Variants in SORBS2 observed in about 807,000 individuals in gnomAD.
SORBS2 encodes the protein sorbin and SH3 domain-containing protein 2.
Under a neutral mutation model 97.7 loss-of-function variants are expected in SORBS2, and 46 were observed. The observed-to-expected ratio is 0.47, with a 90% CI of 0.37 to 0.60. The LOEUF is 0.60. SORBS2 is among the 20% of genes least tolerant of loss of function. SORBS2 has a pLI of 0.00. For synonymous variants in SORBS2, 476 were observed against 473.4 expected, an observed-to-expected ratio of 1.01 and a Z score of -0.07; for missense variants, 1,316 against 1,282.3, an observed-to-expected ratio of 1.03 and a Z score of -0.40.
chr4:185,730,925 T>C (rs73873349), intron 2 of SORBS2, among the ~76,000 whole-genome samples: 1 of 152,212 alleles, frequency 6.6e-6, no homozygotes, highest in South Asian at 2.1e-4. Flanking sequence ...TTGTTACTGA[T>C]GAAATAATTT....
At chr4:185,906,598 GA>G (rs1269350154) in intron 1 of SORBS2, among the ~76,000 whole-genome samples, 4 of 152,096 alleles carry the variant, frequency 2.6e-5, no homozygotes, top group Admixed American at 2.6e-4. Flanking sequence ...CATAGCTTAA[GA>G]AAATACCTAA....
chr4:185,660,606 C>T (rs1002908675), upstream of SORBS2, among the ~76,000 whole-genome samples: 9 of 152,282 alleles, frequency 5.9e-5, no homozygotes, highest in Non-Finnish European at 1.0e-4. Flanking sequence ...AAGCTGAGTT[C>T]CACCATGCAC....
At chr4:185,824,782 T>A (rs568753725) in intron 1 of SORBS2, among the ~76,000 whole-genome samples, 2 of 152,266 alleles carry the variant, frequency 1.3e-5, no homozygotes, top group East Asian at 3.9e-4. Flanking sequence ...AAGGGATAGG[T>A]GTGATATGTT....
At chr4:185,927,908 TTTTA>T (rs1299761108) in intron 1 of SORBS2, among the ~76,000 whole-genome samples, 16 of 152,180 alleles carry the variant, frequency 1.1e-4, no homozygotes, top group Non-Finnish European at 2.1e-4. Flanking sequence ...TTCTGATTTG[TTTTA>T]TTTGATATGT....
chr4:185,891,057 T>A (rs1016871847), intron 1 of SORBS2, among the ~76,000 whole-genome samples: 2 of 152,208 alleles, frequency 1.3e-5, no homozygotes, highest in African/African-American at 4.8e-5. Context: ...GCCTCTGAGA[T>A]TCCTTTCAGA....
chr4:185,617,320 A>G (rs1253231298), intron 9 of SORBS2, among the ~76,000 whole-genome samples: 2 of 152,216 alleles, frequency 1.3e-5, no homozygotes, highest in Admixed American at 1.3e-4. Context: ...TGAAAAAAAA[A>G]GATGTAAGCT....
chr4:185,725,048 C>T (rs1016883019), intron 2 of SORBS2, among the ~76,000 whole-genome samples: 6 of 152,152 alleles, frequency 3.9e-5, no homozygotes, highest in Admixed American at 2.6e-4. Context: ...ATACATAAGA[C>T]GGTGTTGCCA....
At chr4:185,883,059 C>T (rs1296964705) in intron 1 of SORBS2, among the ~76,000 whole-genome samples, 2 of 151,972 alleles carry the variant, frequency 1.3e-5, no homozygotes, top group East Asian at 3.9e-4. Flanking sequence ...ATAAACTGAA[C>T]TTTTCCAAAA....
chr4:185,926,509 G>T (rs1197040039), intron 1 of SORBS2, among the ~76,000 whole-genome samples: 1 of 151,206 alleles, frequency 6.6e-6, no homozygotes, highest in East Asian at 1.9e-4. Context: ...GTTGGAAAGC[G>T]TTTCGTTTTG....
chr4:185,826,998 C>T (rs1286908062), intron 1 of SORBS2, among the ~76,000 whole-genome samples: 2 of 150,428 alleles, frequency 1.3e-5, no homozygotes, highest in South Asian at 2.1e-4. Context: ...CACTGTACCC[C>T]ACCCCTGACT....
intron 4 of SORBS2, among the ~76,000 whole-genome samples, chr4:185,676,616 G>A (rs941347412): frequency 1.3e-5 from 2 of 152,016 alleles, no homozygotes; most frequent in Non-Finnish European, 2.9e-5. Flanking sequence ...TGTAAATAAA[G>A]TAAATCTAAG....
chr4:185,692,714 C>T (rs898842869), intron 2 of SORBS2, among the ~76,000 whole-genome samples: 10 of 152,006 alleles, frequency 6.6e-5, no homozygotes, highest in African/African-American at 2.4e-4. Context: ...CACTTAAGTC[C>T]TATGAAATAT....
At chr4:185,898,753 T>C (rs2099246183) in intron 1 of SORBS2, among the ~76,000 whole-genome samples, 1 of 152,150 alleles carries the variant, frequency 6.6e-6, no homozygotes, top group Non-Finnish European at 1.5e-5. Flanking sequence ...AATACCCAAA[T>C]CTTTAGAAAA....
chr4:185,587,977 AG>A (rs1027877135), intron 14 of SORBS2: 8 of 309,070 alleles, frequency 2.6e-5, no homozygotes, highest in African/African-American at 1.7e-4. Context: ...CCTGCTGAGG[AG>A]GGGGGCGGAG....
intron 1 of SORBS2, among the ~76,000 whole-genome samples, chr4:185,868,888 T>C (rs989712337): frequency 2.0e-5 from 3 of 152,252 alleles, no homozygotes; most frequent in Non-Finnish European, 2.9e-5. Flanking sequence ...TAGCACAGAA[T>C]ATTCCACTTT....
chr4:185,737,520 T>C (rs886447458), intron 2 of SORBS2, among the ~76,000 whole-genome samples: 1 of 152,038 alleles, frequency 6.6e-6, no homozygotes, highest in Non-Finnish European at 1.5e-5. Context: ...TCATGAAACA[T>C]AAAACCTAAA....
At chr4:185,955,660 T>C (rs1292637828) in intron 1 of SORBS2, among the ~76,000 whole-genome samples, 1 of 152,208 alleles carries the variant, frequency 6.6e-6, no homozygotes, top group Non-Finnish European at 1.5e-5. Context: ...CAGTTATAAA[T>C]GATAATTAAG....
chr4:185,755,203 G>A lies in SORBS2; in HGVS notation c.-198+20024C>T, dbSNP rs192950180. On this transcript the variant is annotated intron_variant, in intron 2 of 20. Transcript: ENST00000284776. ...CAGACTCTGTCAAACAGTCAGCATG[G>A]CCAGATTACCCTCCTGGTCTTCCAG... Among the ~76,000 whole-genome samples the A allele has an allele frequency of 5.9e-5, 9 of 152,366 alleles. No individual in the cohort carries two copies. The East Asian group carries it at 1.5e-3, about 26-fold the overall frequency.
At chr4:185,594,578 A>T (rs957303414) in intron 12 of SORBS2, among the ~76,000 whole-genome samples, 3 of 152,228 alleles carry the variant, frequency 2.0e-5, no homozygotes, top group African/African-American at 7.2e-5. Flanking sequence ...GAAGAGAAAC[A>T]TTGGTAGAAA....
Sources: gnomAD v4.1 joint callset for allele counts (sites outside exome capture counted in the v4.1 genomes callset) on GRCh38, gnomAD v4.1.1 for gene constraint, MANE v1.5 for transcripts, NCBI Gene and HGNC (gene_info 2026-07-23, HGNC 2026-07-21) for gene names.